Variants in PDE10A observed in about 807,000 individuals in gnomAD.
PDE10A encodes cAMP and cAMP-inhibited cGMP 3',5'-cyclic phosphodiesterase 10A.
A neutral mutation model predicts 97.7 loss-of-function variants in PDE10A; 39 were observed. That is an observed-to-expected ratio of 0.40 (90% CI 0.31 to 0.52). The LOEUF is 0.52. Ranked by LOEUF, PDE10A falls within the 20% of genes least tolerant of loss-of-function variation. The probability of loss-of-function intolerance (pLI) is 0.56; values close to 1 mark genes in which losing one functional copy is unlikely to be tolerated. For synonymous variants in PDE10A, 371 were observed against 376.8 expected, an observed-to-expected ratio of 0.98 and a Z score of 0.18; for missense variants, 731 against 1,047.8, an observed-to-expected ratio of 0.70 and a Z score of 4.17.
At chr6:165,921,576 G>A (rs1782753623) in intron 1 of PDE10A, among the ~76,000 whole-genome samples, 1 of 152,198 alleles carries the variant, frequency 6.6e-6, no homozygotes, top group Non-Finnish European at 1.5e-5. Context: ...CACAGGCTGG[G>A]CCAGCTAAGC....
intron 18 of PDE10A, among the ~76,000 whole-genome samples, chr6:165,356,647 T>C (rs200440724): frequency 6.6e-6 from 1 of 152,184 alleles, no homozygotes; most frequent in East Asian, 1.9e-4. Flanking sequence ...AGAAATTTTA[T>C]AATTTTAATT....
intron 1 of PDE10A, among the ~76,000 whole-genome samples, chr6:165,834,445 T>G (rs1421227950): frequency 6.6e-6 from 1 of 152,188 alleles, no homozygotes; most frequent in Admixed American, 6.5e-5. Flanking sequence ...CCCTGTCTTT[T>G]GTATCCTTCC....
At chr6:165,821,991 C>T (rs897165840) in intron 1 of PDE10A, among the ~76,000 whole-genome samples, 1 of 152,120 alleles carries the variant, frequency 6.6e-6, no homozygotes, top group African/African-American at 2.4e-5. Context: ...AGCCCTGAAA[C>T]AAGATGACCT....
At chr6:165,832,998 T>A (rs549964671) in intron 1 of PDE10A, among the ~76,000 whole-genome samples, 1 of 152,346 alleles carries the variant, frequency 6.6e-6, no homozygotes, top group Admixed American at 6.5e-5. Flanking sequence ...CTGTGTGAGC[T>A]ATTCTGAGCT....
chr6:165,443,004 C>T (rs1384700192), intron 5 of PDE10A, among the ~76,000 whole-genome samples: 1 of 148,944 alleles, frequency 6.7e-6, no homozygotes, highest in African/African-American at 2.5e-5. Context: ...CCCAGCTACT[C>T]AGGAGGTTGA....
chr6:165,782,232 C>G (rs1462929918), intron 1 of PDE10A, among the ~76,000 whole-genome samples: 1 of 152,178 alleles, frequency 6.6e-6, no homozygotes, highest in Non-Finnish European at 1.5e-5. Context: ...GTTAATTGTC[C>G]TCTGGGATTT....
Position 165,662,106 on chromosome 6 carries a change from CGCCGGGGAA to C in PDE10A, c.697_705del (p.Phe233_Gly235del), listed in dbSNP as rs1010482783. ...GTTTGGCCGCCGCCGCCTGGGCCGG[CGCCGGGGAA>C]GCCGGGGGAGCCCGCGCGGCGGGCG... On this transcript the variant is annotated inframe_deletion, in exon 1 of 22. Coordinates refer to ENST00000539869, the MANE Select transcript of PDE10A (RefSeq NM_001385079.1). The C allele has an allele frequency of 9.2e-7, 1 of 1,086,090 alleles. No individual in the cohort carries two copies. The allele number at this position is 1,086,090 out of a possible 1,614,324, so 67.3% of individuals were successfully genotyped here. A position where few individuals can be genotyped will look rare whatever the true frequency, so the allele number is the denominator to read the frequency against.
chr6:165,332,949 C>CA lies in PDE10A; in HGVS notation c.*75_*76insT, dbSNP rs1583050992. 14 of 699,056 alleles carry CA rather than the reference C, an allele frequency of 2.0e-5. No homozygotes were observed. Among genetic ancestry groups the CA allele is most frequent in the South Asian group, 7.1e-5 (5 of 70,392 alleles). The allele number at this position is 699,056 out of a possible 1,614,324, so 43.3% of individuals were successfully genotyped here. ...CAGGTGCAGGTTCCCCCCACCCCCCCCAAAAAAAGGAAAAGAATGTCAAAG... is the reference window on the plus strand; with the variant it reads ...CAGGTGCAGGTTCCCCCCACCCCCCCACAAAAAAAGGAAAAGAATGTCAAAG... On this transcript the variant is annotated 3_prime_UTR_variant, in exon 22 of 22. Transcript: ENST00000539869.
intron 10 of PDE10A, 115 bp downstream of exon 10, chr6:165,428,543 C>T: frequency 1.6e-6 from 1 of 607,868 alleles, no homozygotes; most frequent in Non-Finnish European, 2.9e-6. Context: ...TAAGCCACCA[C>T]ATTTTCATAA....
intron 1 of PDE10A, among the ~76,000 whole-genome samples, chr6:165,839,945 T>TGTC (rs1562762692): frequency 3.1e-5 from 1 of 32,030 alleles, no homozygotes; most frequent in African/African-American, 1.1e-4. Context: ...TTATCTTCAT[T>TGTC]TCCATCCCCA....
At chr6:165,816,991 T>C (rs1779435286) in intron 1 of PDE10A, among the ~76,000 whole-genome samples, 1 of 151,054 alleles carries the variant, frequency 6.6e-6, no homozygotes, top group Non-Finnish European at 1.5e-5. Flanking sequence ...GTGCAAAGAG[T>C]TGGAACCTAA....
intron 8 of PDE10A, 98 bp downstream of exon 8, chr6:165,431,324 G>A: frequency 3.2e-6 from 2 of 626,840 alleles, no homozygotes; most frequent in South Asian, 2.5e-5. Flanking sequence ...CCAAAATAAG[G>A]CATTGGGTGA....
chr6:165,336,711 T>TGCAGTCC (rs1319523905), intron 20 of PDE10A, among the ~76,000 whole-genome samples: 4 of 137,496 alleles, frequency 2.9e-5, no homozygotes, highest in African/African-American at 8.5e-5. Flanking sequence ...ATTGCGCCAC[T>TGCAGTCC]GCAGTCCGCA....
chr6:165,609,717 GACAA>G (rs1273435037), intron 1 of PDE10A, among the ~76,000 whole-genome samples: 4 of 152,078 alleles, frequency 2.6e-5, no homozygotes, highest in South Asian at 2.1e-4. Flanking sequence ...ACCAATAACA[GACAA>G]ACAGAGAGCC....
chr6:165,651,859 T>C (rs1789702325), intron 1 of PDE10A, among the ~76,000 whole-genome samples: 1 of 152,234 alleles, frequency 6.6e-6, no homozygotes, highest in African/African-American at 2.4e-5. Context: ...TATTTTTTTC[T>C]AGATGACTAC....
intron 1 of PDE10A, among the ~76,000 whole-genome samples, chr6:165,637,486 C>T (rs536005464): frequency 8.1e-4 from 123 of 152,220 alleles, no homozygotes; most frequent in African/African-American, 2.6e-3. Context: ...CACAAGACTG[C>T]GGAAAATTTT....
intron 18 of PDE10A, among the ~76,000 whole-genome samples, chr6:165,344,630 A>G (rs868447225): frequency 6.6e-6 from 1 of 152,234 alleles, no homozygotes; most frequent in Non-Finnish European, 1.5e-5. Flanking sequence ...CTGCTCTAGT[A>G]GTGCTCTTAG....
intron 17 of PDE10A, among the ~76,000 whole-genome samples, chr6:165,383,108 C>T (rs1785039243): frequency 6.6e-6 from 1 of 152,062 alleles, no homozygotes; most frequent in Non-Finnish European, 1.5e-5. Flanking sequence ...AAATAGATAA[C>T]TTTCTGAAAT....
At chr6:165,378,714 G>GC in intron 18 of PDE10A, among the ~76,000 whole-genome samples, 1 of 152,282 alleles carries the variant, frequency 6.6e-6, no homozygotes, top group Non-Finnish European at 1.5e-5. Context: ...CCCATGGGAT[G>GC]CCAATATTCT....
Sources: allele counts gnomAD v4.1 joint callset (sites outside exome capture counted in the v4.1 genomes callset), GRCh38; gene constraint gnomAD v4.1.1; transcripts MANE v1.5; gene names NCBI Gene and HGNC (gene_info 2026-07-23, HGNC 2026-07-21).